FOXP1: variants seen among roughly 807,000 people sequenced by gnomAD.
FOXP1 encodes the protein forkhead box protein P1.
In FOXP1, 15 loss-of-function variants were observed where a neutral mutation model predicts 98.2. The observed-to-expected ratio is 0.15, with a 90% CI of 0.10 to 0.24. FOXP1 has a LOEUF of 0.24. FOXP1 is among the 10% of genes least tolerant of loss of function. The probability of loss-of-function intolerance (pLI) is 1.00; values close to 1 mark genes in which losing one functional copy is unlikely to be tolerated. For synonymous variants in FOXP1, 371 were observed against 314.5 expected (o/e 1.18, Z -1.90); for missense variants, 633 against 848.5 (o/e 0.75, Z 3.15).
chr3:71,079,021 G>A (rs2054127178), intron 7 of FOXP1, among the ~76,000 whole-genome samples: 1 of 152,102 alleles, frequency 6.6e-6, no homozygotes, highest in Non-Finnish European at 1.5e-5. Context: ...TCACGGTTTG[G>A]TTTTGCCCCT....
chr3:71,151,568 C>G (rs1035222046), intron 6 of FOXP1, among the ~76,000 whole-genome samples: 4 of 152,008 alleles, frequency 2.6e-5, no homozygotes, highest in Non-Finnish European at 5.9e-5. Context: ...AGGGATATAG[C>G]CACCTCTGCA....
chr3:71,065,653 C>G (rs1449458848), intron 7 of FOXP1: 1 of 152,200 alleles, frequency 6.6e-6, no homozygotes, highest in East Asian at 1.9e-4. Context: ...GACTTCCCCT[C>G]TAGAACGACA....
intron 4 of FOXP1, chr3:71,332,274 T>A (rs562580075): frequency 1.3e-5 from 2 of 155,944 alleles, no homozygotes; most frequent in African/African-American, 2.4e-5. Flanking sequence ...CCTTAAGAGC[T>A]GTAACGCTCA....
intron 5 of FOXP1, among the ~76,000 whole-genome samples, chr3:71,234,616 T>C (rs1342584857): frequency 6.6e-6 from 1 of 152,194 alleles, no homozygotes; most frequent in Admixed American, 6.5e-5. Context: ...CTCTCTGAGG[T>C]GTCTGCAAAG....
At chr3:71,582,268 C>CGCG (rs1425584838) in intron 1 of FOXP1, 46 of 983,964 alleles carry the variant, frequency 4.7e-5, no homozygotes, top group Non-Finnish European at 9.7e-6. Context: ...AGTTTCCGAG[C>CGCG]GCGACGTTGT....
chr3:71,541,709 G>A (rs1215284802), intron 2 of FOXP1, among the ~76,000 whole-genome samples: 1 of 152,002 alleles, frequency 6.6e-6, no homozygotes, highest in African/African-American at 2.4e-5. Context: ...TTAAGGCTCA[G>A]ATACTGAACA....
chr3:71,121,044 T>C (rs1331922648), intron 6 of FOXP1, among the ~76,000 whole-genome samples: 12 of 13,728 alleles, frequency 8.7e-4, no homozygotes, highest in South Asian at 9.6e-4. Context: ...TCTTTCTTTC[T>C]TTTTTTTTTT....
intron 10 of FOXP1, among the ~76,000 whole-genome samples, chr3:71,045,615 C>T (rs1360495880): frequency 6.6e-6 from 1 of 152,034 alleles, no homozygotes; most frequent in Non-Finnish European, 1.5e-5. Context: ...AATGGAGATG[C>T]TGAGTATGTA....
intron 6 of FOXP1, among the ~76,000 whole-genome samples, chr3:71,126,878 A>C (rs1354876914): frequency 2.8e-5 from 3 of 108,680 alleles, no homozygotes; most frequent in Admixed American, 9.9e-5. Context: ...AAACAAAAAA[A>C]AAAAACAAAA....
intron 5 of FOXP1, among the ~76,000 whole-genome samples, chr3:71,231,655 A>G (rs1332067465): frequency 2.6e-5 from 4 of 152,254 alleles, no homozygotes; most frequent in African/African-American, 9.6e-5. Flanking sequence ...TTTAAACTAT[A>G]AAGTTAAGAC....
chr3:71,307,117 C>T (rs564426175), intron 4 of FOXP1, among the ~76,000 whole-genome samples: 5 of 152,104 alleles, frequency 3.3e-5, no homozygotes, highest in African/African-American at 7.2e-5. Flanking sequence ...AGATTATGTT[C>T]GTCTACTACT....
chr3:71,421,186 C>G (rs1391667886), intron 3 of FOXP1, among the ~76,000 whole-genome samples: 1 of 152,044 alleles, frequency 6.6e-6, no homozygotes, highest in Non-Finnish European at 1.5e-5. Flanking sequence ...ACCTGAGCGA[C>G]AAATTCTTTG....
chr3:71,349,283 A>T (rs1254363061), intron 4 of FOXP1, among the ~76,000 whole-genome samples: 1 of 152,236 alleles, frequency 6.6e-6, no homozygotes, highest in African/African-American at 2.4e-5. Flanking sequence ...AATAATTTTT[A>T]TCCTTTTTAA....
At chr3:71,020,962 T>C (rs1025778524) in intron 11 of FOXP1, among the ~76,000 whole-genome samples, 4 of 152,214 alleles carry the variant, frequency 2.6e-5, no homozygotes, top group Non-Finnish European at 4.4e-5. Context: ...TTCACTGGCA[T>C]GTTATTTGAT....
chr3:70,995,814 C>G (rs565970881), intron 13 of FOXP1, among the ~76,000 whole-genome samples: 52 of 152,284 alleles, frequency 3.4e-4, no homozygotes, highest in South Asian at 8.3e-4. Context: ...ATTAACCAAC[C>G]CTTCCCTGTT....
chr3:71,134,469 GTAGA>G (rs1235381243), intron 6 of FOXP1, among the ~76,000 whole-genome samples: 1 of 152,170 alleles, frequency 6.6e-6, no homozygotes, highest in Non-Finnish European at 1.5e-5. Context: ...AGGTAGGTAG[GTAGA>G]TAGACAGATA....
intron 17 of FOXP1, among the ~76,000 whole-genome samples, chr3:70,974,219 C>G (rs1042544772): frequency 2.6e-5 from 4 of 152,046 alleles, no homozygotes; most frequent in Non-Finnish European, 5.9e-5. Context: ...AATCTCTAAA[C>G]CGAAAACATT....
chr3:71,522,626 GC>G (rs1225554450), intron 2 of FOXP1, among the ~76,000 whole-genome samples: 1 of 152,162 alleles, frequency 6.6e-6, no homozygotes, highest in Non-Finnish European at 1.5e-5. Context: ...ATAGCAGGTG[GC>G]ACTAGAGAGC....
intron 4 of FOXP1, among the ~76,000 whole-genome samples, chr3:71,326,313 T>C (rs561094344): frequency 6.6e-6 from 1 of 152,188 alleles, no homozygotes; most frequent in South Asian, 2.1e-4. Flanking sequence ...GTCCTGTACA[T>C]ACCCAATGGG....
Sources: gnomAD v4.1 joint callset for allele counts (sites outside exome capture counted in the v4.1 genomes callset) on GRCh38, gnomAD v4.1.1 for gene constraint, MANE v1.5 for transcripts, NCBI Gene and HGNC (gene_info 2026-07-23, HGNC 2026-07-21) for gene names.